The following NINL variants were observed in gnomAD, a reference collection of about 807,000 sequenced individuals.
The protein encoded by NINL is ninein-like protein.
A neutral mutation model predicts 160.3 loss-of-function variants in NINL; 153 were observed. The observed-to-expected ratio is 0.95, with a 90% CI of 0.84 to 1.09. NINL has a LOEUF of 1.09. NINL is among the 50% of genes least tolerant of loss of function. NINL has a pLI of 0.00. For missense variants in NINL, 1,829 were observed against 1,764.0 expected, an observed-to-expected ratio of 1.04 and a Z score of -0.66; for synonymous variants, 800 against 734.8, an observed-to-expected ratio of 1.09 and a Z score of -1.43.
At chr20:25,526,026 G>T (rs978278650) in intron 2 of NINL, among the ~76,000 whole-genome samples, 1 of 152,198 alleles carries the variant, frequency 6.6e-6, no homozygotes, top group Admixed American at 6.5e-5. Context: ...AAGACAATCT[G>T]CCTTCAAGGG....
intron 16 of NINL, among the ~76,000 whole-genome samples, chr20:25,478,010 G>A (rs955758308): frequency 1.3e-5 from 2 of 150,522 alleles, no homozygotes; most frequent in East Asian, 2.0e-4. Flanking sequence ...GTGCAATGGC[G>A]AGATCTCGGC....
intron 1 of NINL, among the ~76,000 whole-genome samples, chr20:25,569,745 A>T (rs1291990217): frequency 6.6e-6 from 1 of 152,206 alleles, no homozygotes; most frequent in East Asian, 1.9e-4. Context: ...CGGAGGAAGC[A>T]GCCACAGGAA....
chr20:25,503,285 G>T (rs939831619), intron 7 of NINL, among the ~76,000 whole-genome samples: 1 of 139,838 alleles, frequency 7.2e-6, no homozygotes, highest in African/African-American at 2.7e-5. Flanking sequence ...GAGCAGCCAT[G>T]TTCCTCACCT....
At chr20:25,542,742 A>G (rs1325921034) in intron 1 of NINL, among the ~76,000 whole-genome samples, 1 of 75,384 alleles carries the variant, frequency 1.3e-5, no homozygotes, top group African/African-American at 5.0e-5. Context: ...AAAAAAAAAA[A>G]AAAAAAGCCT....
At chr20:25,485,659 A>G (rs531941271) in intron 13 of NINL, among the ~76,000 whole-genome samples, 1 of 152,352 alleles carries the variant, frequency 6.6e-6, no homozygotes, top group Middle Eastern at 3.4e-3. Flanking sequence ...CATAATCACA[A>G]ACATTTACTC....
chr20:25,521,152 A>G (rs1568938964), intron 2 of NINL, among the ~76,000 whole-genome samples: 1 of 152,188 alleles, frequency 6.6e-6, no homozygotes, highest in Non-Finnish European at 1.5e-5. Flanking sequence ...CTCTTTTTAT[A>G]TCTTCATGCT....
intron 1 of NINL, among the ~76,000 whole-genome samples, chr20:25,531,105 G>A (rs1291641569): frequency 6.6e-6 from 1 of 152,190 alleles, no homozygotes; most frequent in Non-Finnish European, 1.5e-5. Context: ...TCTCAGGGAT[G>A]TTCCTTGCTG....
Position 25,476,216 on chromosome 20 carries a change from G to T in NINL, c.3075C>A (p.His1025Gln). 1 of 1,614,092 alleles carries T rather than the reference G, an allele frequency of 6.2e-7. No individual in the cohort carries two copies. ...EVARRGSLPS[H>Q]LQLADPQGSW... ...AACCCTGCGGGTCTGCGAGCTGGAG[G>T]TGGGATGGCAAGGACCCTCTCCTGG... The change falls in exon 17 of 24, where the codon CAC becomes CAA. Residue 1025 changes from histidine to glutamine, a missense_variant. Coordinates refer to ENST00000278886, the MANE Select transcript of NINL (RefSeq NM_025176.6).
chr20:25,464,395 T>G (rs969949960), intron 19 of NINL, among the ~76,000 whole-genome samples: 3 of 151,768 alleles, frequency 2.0e-5, no homozygotes, highest in East Asian at 3.9e-4. Flanking sequence ...CCAGCCAGAG[T>G]GACAGAACAA....
rs774672562 is a variant in NINL at position 25,491,509 on chromosome 20, A to G, written c.1327T>C (p.Tyr443His). ...EKKIKHLEQG[Y>H]RERLSLLRSE... The stretch of plus-strand genomic sequence containing the variant: ...CGCAGGAGGCTCAGCCTTTCCCGGT[A>G]CCCCTGCTCCAGATGCCTGTAACAT... Residue 443 changes from tyrosine (Y) to histidine (H), a missense_variant, in exon 11 of 24, where the codon TAC becomes CAC. Physicochemically the swap from Tyr to His is moderately conservative, Grantham distance 83. Coordinates refer to ENST00000278886, the MANE Select transcript of NINL (RefSeq NM_025176.6). The G allele has an allele frequency of 6.2e-7, 1 of 1,613,746 alleles. No individual in the cohort carries two copies. The highest frequency in any genetic ancestry group is 1.1e-5 in the South Asian group (1 of 91,034).
Position 25,476,297 on chromosome 20 carries a change from C to T in NINL, c.2994G>A (p.Gln998=), listed in dbSNP as rs1369499379. 6.2e-7 allele frequency: 1 copy of T among 1,613,370 alleles called. No individual in the cohort carries two copies. Among genetic ancestry groups the T allele is most frequent in the Non-Finnish European group, 8.5e-7 (1 of 1,179,950 alleles). ...RGTQEQASEQ[Q]ARAEGALEPG... The stretch of plus-strand genomic sequence containing the variant: ...GCTCCAGGGCGCCCTCGGCCCGGGC[C>T]TGCTGCTCCGAGGCCTGCTCCTGGG... Residue 998 remains glutamine (Q), a synonymous_variant, in exon 17 of 24, where the codon CAG becomes CAA. Transcript: ENST00000278886.
At chr20:25,474,089 C>T (rs1053095382) in intron 17 of NINL, among the ~76,000 whole-genome samples, 3 of 152,170 alleles carry the variant, frequency 2.0e-5, no homozygotes, top group Non-Finnish European at 4.4e-5. Context: ...CTGGATTCTC[C>T]AGAGGAACCC....
At chr20:25,458,125 C>T (rs1419661055) in intron 22 of NINL, among the ~76,000 whole-genome samples, 2 of 152,108 alleles carry the variant, frequency 1.3e-5, no homozygotes, top group African/African-American at 2.4e-5. Context: ...GCCTCTGCTG[C>T]TCCCCTGCCA....
At chr20:25,549,228 A>C (rs376474396) in intron 1 of NINL, among the ~76,000 whole-genome samples, 232 of 49,428 alleles carry the variant, frequency 4.7e-3, no homozygotes, top group African/African-American at 5.5e-3. Context: ...CCCACGGCCA[A>C]ACCTCCCACA....
At chr20:25,575,002 C>A (rs2065097912) in intron 1 of NINL, among the ~76,000 whole-genome samples, 1 of 150,896 alleles carries the variant, frequency 6.6e-6, no homozygotes, top group African/African-American at 2.4e-5. Context: ...ACCCCCAAGT[C>A]AAAAATACTA....
At chr20:25,533,795 C>G (rs1204064861) in intron 1 of NINL, among the ~76,000 whole-genome samples, 1 of 152,118 alleles carries the variant, frequency 6.6e-6, no homozygotes, top group African/African-American at 2.4e-5. Context: ...TAAAATTTAC[C>G]AAAAATGGAT....
intron 1 of NINL, among the ~76,000 whole-genome samples, chr20:25,556,788 C>T (rs146763135): frequency 1.3e-5 from 2 of 152,264 alleles, no homozygotes; most frequent in South Asian, 2.1e-4. Flanking sequence ...GATGGTGAGA[C>T]TCTGTATCAT....
Position 25,511,948 on chromosome 20 carries a change from G to C in NINL, c.450+886C>G, listed in dbSNP as rs75875072. Among the ~76,000 whole-genome samples, 652 of 152,330 alleles carry C rather than the reference G, an allele frequency of 4.3e-3. 3 individuals carry two copies. Among genetic ancestry groups the C allele is most frequent in the Non-Finnish European group, 6.0e-3 (405 of 68,028 alleles). The stretch of plus-strand genomic sequence containing the variant: ...ACCTGGCAGAAGCTGAGAGCACAGA[G>C]AGCAGGAACCAGGAACCTTTTGGAA... On this transcript the variant is annotated intron_variant, in intron 4 of 23. Coordinates refer to ENST00000278886, the MANE Select transcript of NINL (RefSeq NM_025176.6).
Position 25,526,540 on chromosome 20 carries a change from G to A in NINL, c.48C>T (p.Tyr16=). ...CAGTCCCCGTGGTGTCGCAGCTGCT[G>A]TAGACTTCCCTGAGCTGCGAGACAT... is the stretch of plus-strand genomic sequence containing the variant. ...NHYVSQLREV[Y]SSCDTTGTGF... Residue 16 remains tyrosine (Y), a synonymous_variant, in exon 2 of 24, where the codon TAC becomes TAT. Coordinates refer to ENST00000278886, the MANE Select transcript of NINL (RefSeq NM_025176.6). The A allele has an allele frequency of 1.2e-6, 2 of 1,614,216 alleles. No homozygotes were observed. The highest frequency in any genetic ancestry group is 1.7e-6 in the Non-Finnish European group (2 of 1,180,034).
Sources: allele counts gnomAD v4.1 joint callset (sites outside exome capture counted in the v4.1 genomes callset), GRCh38; gene constraint gnomAD v4.1.1; transcripts MANE v1.5; gene names NCBI Gene and HGNC (gene_info 2026-07-23, HGNC 2026-07-21).